The following NPAS2 variants were observed in gnomAD, a reference collection of about 807,000 sequenced individuals.
NPAS2 encodes neuronal PAS domain protein 2.
A neutral mutation model predicts 107.5 loss-of-function variants in NPAS2; 23 were observed. That is an observed-to-expected ratio of 0.21 (90% CI 0.15 to 0.30). The LOEUF is 0.30. NPAS2 is among the 10% of genes least tolerant of loss of function. NPAS2 has a pLI of 1.00. For missense variants in NPAS2, 756 were observed against 1,043.3 expected (o/e 0.72, Z 3.79); for synonymous variants, 403 against 417.5 (o/e 0.97, Z 0.42).
At chr2:100,830,274 A>T (rs1457048570) in intron 1 of NPAS2, among the ~76,000 whole-genome samples, 1 of 152,180 alleles carries the variant, frequency 6.6e-6, no homozygotes, top group Non-Finnish European at 1.5e-5. Context: ...TTGGCATACA[A>T]ATGCAAACAT....
At chr2:100,914,884 C>T (rs1244380368) in intron 2 of NPAS2, among the ~76,000 whole-genome samples, 2 of 152,164 alleles carry the variant, frequency 1.3e-5, no homozygotes, top group Non-Finnish European at 2.9e-5. Context: ...TAGTAGGGTG[C>T]AGATTGGGGA....
chr2:100,933,400 T>C (rs368066047), intron 4 of NPAS2, among the ~76,000 whole-genome samples: 3 of 152,204 alleles, frequency 2.0e-5, no homozygotes, highest in Non-Finnish European at 2.9e-5. Context: ...ATTTTTTCCC[T>C]TAGTAGAAAC....
intron 1 of NPAS2, chr2:100,846,686 G>A (rs1401567065): frequency 6.6e-6 from 1 of 152,184 alleles, no homozygotes; most frequent in Non-Finnish European, 1.5e-5. Context: ...TGTCATATTA[G>A]TTGGTCCTTC....
intron 3 of NPAS2, among the ~76,000 whole-genome samples, chr2:100,930,635 G>T (rs981216227): frequency 6.6e-6 from 1 of 151,654 alleles, no homozygotes; most frequent in African/African-American, 2.4e-5. Context: ...TTTTTAATAT[G>T]CTATGAAATG....
intron 1 of NPAS2, among the ~76,000 whole-genome samples, chr2:100,837,434 T>C (rs1293499775): frequency 6.6e-6 from 1 of 152,154 alleles, no homozygotes; most frequent in Admixed American, 6.5e-5. Context: ...ATTACAGGCA[T>C]GCGCCATCAC....
chr2:100,841,297 G>A (rs866543244), intron 1 of NPAS2, among the ~76,000 whole-genome samples: 81 of 152,242 alleles, frequency 5.3e-4, no homozygotes, highest in African/African-American at 1.8e-3. Context: ...AATTAGCCAG[G>A]CATGGTGGCA....
intron 1 of NPAS2, among the ~76,000 whole-genome samples, chr2:100,889,147 C>T (rs1680896695): frequency 6.6e-6 from 1 of 152,196 alleles, no homozygotes; most frequent in African/African-American, 2.4e-5. Flanking sequence ...ACATAAAAGT[C>T]AGTCATTTCT....
intron 2 of NPAS2, among the ~76,000 whole-genome samples, chr2:100,915,719 G>A (rs1196531538): frequency 1.3e-5 from 2 of 152,160 alleles, no homozygotes; most frequent in African/African-American, 4.8e-5. Context: ...AGGAATGAAG[G>A]TAAAATGAAG....
At position 100,990,094 on chromosome 2, in the gene NPAS2, A is replaced by G. The variant is rs113181606; in HGVS notation, c.1828-162A>G. 313 of 703,834 alleles carry G rather than the reference A, an allele frequency of 4.4e-4. 3 individuals carry two copies. The African/African-American group carries it at 4.8e-3, about 11-fold the overall frequency. The allele number at this position is 703,834 out of a possible 1,614,324, so 43.6% of individuals were successfully genotyped here. A position where few individuals can be genotyped will look rare whatever the true frequency, so the allele number is the denominator to read the frequency against. ...GCCCAAGGGATTCAAATACAATCCA[A>G]TGGGGAAGACAGTCACAGATCAAAG... is the stretch of plus-strand genomic sequence containing the variant. On this transcript the variant is annotated intron_variant, in intron 17 of 20. Coordinates refer to ENST00000335681, the MANE Select transcript of NPAS2 (RefSeq NM_002518.4).
chr2:100,965,606 G>A lies in NPAS2; in HGVS notation c.801-54G>A, dbSNP rs1676167427. 5 of 1,161,808 alleles carry A rather than the reference G, an allele frequency of 4.3e-6. No individual in the cohort carries two copies. Among genetic ancestry groups the A allele is most frequent in the Non-Finnish European group, 5.1e-6 (4 of 780,482 alleles). 72.0% of individuals were successfully genotyped at this position (1,161,808 alleles called of 1,614,324 possible). On this transcript the variant is annotated intron_variant, in intron 9 of 20. Transcript: ENST00000335681. The surrounding 1 kb of genome is among the most constrained non-coding windows in gnomAD (Gnocchi z 4.3). Reference sequence around the variant, plus strand: ...TATGGAAAGGCATGGCCACCAGGGTGAGCCCTGCAGGGTGTCTCCTCCCTG... The same window carrying A: ...TATGGAAAGGCATGGCCACCAGGGTAAGCCCTGCAGGGTGTCTCCTCCCTG...
rs35401096 is a variant in NPAS2, at chr2:100,952,151, C to CAAAA, written c.598+2688_598+2691dup. ...TGGGCGACAGAGCAAGACTCTGTCTCAAAAAAAAAAAAAAAAAAAAGATGT... is the reference window on the plus strand; with the variant it reads ...TGGGCGACAGAGCAAGACTCTGTCTCAAAAAAAAAAAAAAAAAAAAAAAAGATGT... On this transcript the variant is annotated intron_variant, in intron 7 of 20. Coordinates refer to ENST00000335681, the MANE Select transcript of NPAS2 (RefSeq NM_002518.4). 7.5e-4 allele frequency among the ~76,000 whole-genome samples: 50 copies of CAAAA among 66,840 alleles called. No homozygotes were observed. The South Asian group carries it at 0.022, about 29-fold the overall frequency. The allele number at this position is 66,840 out of a possible 152,430, so 43.8% of individuals were successfully genotyped here.
chr2:100,871,668 C>T (rs561985846), intron 1 of NPAS2, among the ~76,000 whole-genome samples: 147 of 152,108 alleles, frequency 9.7e-4, no homozygotes, highest in Middle Eastern at 6.8e-3. Flanking sequence ...CCTAGAGCAT[C>T]CTGTATCCAG....
chr2:100,885,116 T>TC (rs1680614514), intron 1 of NPAS2, among the ~76,000 whole-genome samples: 2 of 151,746 alleles, frequency 1.3e-5, no homozygotes, highest in Non-Finnish European at 2.9e-5. Context: ...GCCCAGCTAA[T>TC]TTTTTTTGTA....
intron 1 of NPAS2, among the ~76,000 whole-genome samples, chr2:100,873,301 T>TACACACAC (rs1679723479): frequency 1.5e-5 from 1 of 64,790 alleles, no homozygotes; most frequent in East Asian, 4.9e-4. Context: ...TATATATATA[T>TACACACAC]ATATATACAC....
chr2:100,992,247 T>C (rs1678177174), intron 19 of NPAS2, among the ~76,000 whole-genome samples: 1 of 152,230 alleles, frequency 6.6e-6, no homozygotes, highest in Non-Finnish European at 1.5e-5. Context: ...AACCCCCATC[T>C]CTACTAAAAA....
Position 100,948,355 on chromosome 2 carries a change from T to C in NPAS2, c.484T>C (p.Ser162Pro), listed in dbSNP as rs1675027926. The change falls in exon 6 of 21, where the codon TCT becomes CCT. Residue 162 changes from serine to proline, a missense_variant and splice_region_variant. Transcript: ENST00000335681. ...TDSPSPEYLK[S>P]DSDLEFYCHL... Reference sequence around the variant, plus strand: ...TTCCCCCTCCCCAGAATACTTAAAATGTAAGTTTAATTTTTCTGGTTTTAC... The same window carrying C: ...TTCCCCCTCCCCAGAATACTTAAAACGTAAGTTTAATTTTTCTGGTTTTAC... 1.3e-6 allele frequency: 2 copies of C among 1,590,534 alleles called. No individual in the cohort carries two copies. The highest frequency in any genetic ancestry group is 2.3e-5 in the South Asian group (2 of 85,278).
rs574604351 is a variant in NPAS2, at chr2:100,842,783, A to G, written c.-23+22369A>G. 2.0e-5 allele frequency among the ~76,000 whole-genome samples: 3 copies of G among 152,310 alleles called. No homozygotes were observed. The South Asian group carries it at 6.2e-4, about 32-fold the overall frequency. ...ACAGGAGGCTCCATGTGGCCCCACCAGTGTTGCTTCTTTTAGCAAAGACAT... is the reference window on the plus strand; with the variant it reads ...ACAGGAGGCTCCATGTGGCCCCACCGGTGTTGCTTCTTTTAGCAAAGACAT... On this transcript the variant is annotated intron_variant, in intron 1 of 20. Transcript: ENST00000335681.
chr2:100,942,841 A>G (rs1674656568), intron 5 of NPAS2, among the ~76,000 whole-genome samples: 1 of 152,168 alleles, frequency 6.6e-6, no homozygotes, highest in South Asian at 2.1e-4. Context: ...ATCATTGAAA[A>G]TGGACTCTTG....
At chr2:100,874,309 A>AT (rs1374421806) in intron 1 of NPAS2, among the ~76,000 whole-genome samples, 3 of 152,168 alleles carry the variant, frequency 2.0e-5, no homozygotes, top group Non-Finnish European at 4.4e-5. Flanking sequence ...TACAACCCAC[A>AT]TGATGGAGCA....
Sources: gnomAD v4.1 joint callset for allele counts (sites outside exome capture counted in the v4.1 genomes callset) on GRCh38, gnomAD v4.1.1 for gene constraint, Gnocchi (gnomAD v3.1) non-coding constraint, MANE v1.5 for transcripts, NCBI Gene and HGNC (gene_info 2026-07-23, HGNC 2026-07-21) for gene names.